The following MTUS2 variants were observed in gnomAD, a reference collection of about 807,000 sequenced individuals.
The protein encoded by MTUS2 is microtubule-associated tumor suppressor candidate 2.
MTUS2 carries 40 observed loss-of-function variants against 114.1 expected under a neutral mutation model. The observed-to-expected ratio is 0.35, with a 90% confidence interval of 0.27 to 0.46. MTUS2 has a LOEUF of 0.46. Among genes scored for constraint, MTUS2 ranks in the 20% least tolerant of loss-of-function variants. MTUS2 has a pLI of 1.00. For missense variants in MTUS2, 1,679 were observed against 1,705.4 expected, an observed-to-expected ratio of 0.98 and a Z score of 0.27; for synonymous variants, 688 against 672.0, an observed-to-expected ratio of 1.02 and a Z score of -0.37.
intron 8 of MTUS2, among the ~76,000 whole-genome samples, chr13:29,375,001 A>G (rs1242127670): frequency 3.9e-5 from 6 of 152,188 alleles, no homozygotes; most frequent in Admixed American, 3.9e-4. Flanking sequence ...ACTGTCTGCA[A>G]CCCTGATCTA....
At chr13:28,947,216 G>A (rs1249083938) in intron 2 of MTUS2, among the ~76,000 whole-genome samples, 1 of 152,118 alleles carries the variant, frequency 6.6e-6, no homozygotes, top group African/African-American at 2.4e-5. Flanking sequence ...TGTTTTGGCT[G>A]TTAAGAACTG....
At chr13:29,042,957 A>G (rs181791264) in intron 4 of MTUS2, among the ~76,000 whole-genome samples, 29 of 152,034 alleles carry the variant, frequency 1.9e-4, no homozygotes, top group African/African-American at 6.3e-4. Flanking sequence ...TTTTCTTACA[A>G]TTGTATTTAG....
chr13:29,369,672 T>C (rs988168059), intron 8 of MTUS2, among the ~76,000 whole-genome samples: 6 of 152,210 alleles, frequency 3.9e-5, no homozygotes, highest in African/African-American at 1.4e-4. Context: ...ATCCAGTCCC[T>C]GGAGAGAGTA....
intron 5 of MTUS2, among the ~76,000 whole-genome samples, chr13:29,253,767 C>T (rs141500444): frequency 2.0e-5 from 3 of 152,200 alleles, no homozygotes; most frequent in East Asian, 1.9e-4. Flanking sequence ...TCTGGAGAGG[C>T]GTCACAATCA....
chr13:29,452,721 G>T (rs1878810875), intron 9 of MTUS2, among the ~76,000 whole-genome samples: 1 of 152,000 alleles, frequency 6.6e-6, no homozygotes, highest in African/African-American at 2.4e-5. Context: ...TGGGATTACA[G>T]ATGTGAGCCA....
intron 2 of MTUS2, among the ~76,000 whole-genome samples, chr13:28,912,167 A>T (rs1421004199): frequency 6.6e-6 from 1 of 152,038 alleles, no homozygotes; most frequent in Non-Finnish European, 1.5e-5. Flanking sequence ...TCTTCAACCC[A>T]TCTTGAGTTA....
chr13:29,055,110 A>C (rs1218596979), intron 4 of MTUS2, among the ~76,000 whole-genome samples: 1 of 152,040 alleles, frequency 6.6e-6, no homozygotes, highest in Non-Finnish European at 1.5e-5. Context: ...AATTTGTTCT[A>C]TCAGTTACTT....
At chr13:29,197,265 C>T (rs528052065) in intron 5 of MTUS2, among the ~76,000 whole-genome samples, 44 of 152,280 alleles carry the variant, frequency 2.9e-4, no homozygotes, top group African/African-American at 9.9e-4. Flanking sequence ...GTTCCCCTCC[C>T]TTTGTCCATG....
intron 5 of MTUS2, among the ~76,000 whole-genome samples, chr13:29,117,761 G>T (rs574394359): frequency 1.3e-5 from 2 of 152,278 alleles, no homozygotes; most frequent in East Asian, 3.9e-4. Context: ...GCCGTCAACT[G>T]CCAACACCCA....
chr13:28,963,994 A>G (rs919785494), intron 2 of MTUS2, among the ~76,000 whole-genome samples: 15 of 152,024 alleles, frequency 9.9e-5, no homozygotes, highest in African/African-American at 3.4e-4. Flanking sequence ...CTTCGTTTCT[A>G]CTTTCCCCAT....
chr13:29,485,032 C>T (rs1267412366), intron 10 of MTUS2: 3 of 152,512 alleles, frequency 2.0e-5, no homozygotes, highest in Non-Finnish European at 2.9e-5. Flanking sequence ...CAGCCCAGAA[C>T]TCTGTCTCTG....
At chr13:29,326,895 A>C (rs745447367) in intron 7 of MTUS2, among the ~76,000 whole-genome samples, 5 of 152,126 alleles carry the variant, frequency 3.3e-5, no homozygotes, top group African/African-American at 9.7e-5. Context: ...CAGGAGTATC[A>C]TTTGAACCTG....
intron 8 of MTUS2, among the ~76,000 whole-genome samples, chr13:29,414,678 T>C (rs1875538302): frequency 6.6e-6 from 1 of 152,030 alleles, no homozygotes; most frequent in East Asian, 1.9e-4. Flanking sequence ...TATTTTCCCT[T>C]GTCATTTATT....
chr13:29,202,177 A>G (rs1894987076), intron 5 of MTUS2, among the ~76,000 whole-genome samples: 2 of 149,998 alleles, frequency 1.3e-5, no homozygotes, highest in African/African-American at 2.5e-5. Context: ...ACATAGTCCC[A>G]TATTTCTTGG....
intron 2 of MTUS2, among the ~76,000 whole-genome samples, chr13:28,933,059 G>C (rs1186792892): frequency 6.6e-6 from 1 of 151,576 alleles, no homozygotes; most frequent in African/African-American, 2.4e-5. Context: ...TTATTGTTCT[G>C]AGTGCTTTCT....
rs376433686 is a variant in MTUS2, at chr13:28,896,456, T to C, written c.-243+56606T>C. Among the ~76,000 whole-genome samples the C allele has an allele frequency of 7.6e-4, 115 of 152,258 alleles. No homozygotes were observed. In the East Asian group the frequency reaches 0.011, roughly 15 times the overall value. On this transcript the variant is annotated intron_variant, in intron 2 of 15. Coordinates refer to ENST00000612955, the MANE Select transcript of MTUS2 (RefSeq NM_001033602.4). ...GCTCATGGGTAGGAAGAATCAATAT[T>C]GTGAAAATGGCCCTACTGTCCAAAG...
At chr13:29,457,933 T>C (rs1879233676) in intron 9 of MTUS2, among the ~76,000 whole-genome samples, 1 of 152,188 alleles carries the variant, frequency 6.6e-6, no homozygotes, top group Admixed American at 6.5e-5. Flanking sequence ...TGTAGATTTT[T>C]AGTAGAGAGA....
intron 5 of MTUS2, among the ~76,000 whole-genome samples, chr13:29,116,671 A>G (rs901004542): frequency 1.3e-5 from 2 of 152,182 alleles, no homozygotes; most frequent in African/African-American, 4.8e-5. Flanking sequence ...CTTAAGTAAC[A>G]TAAGGGTTCC....
chr13:29,456,230 T>C (rs1166811369), intron 9 of MTUS2, among the ~76,000 whole-genome samples: 2 of 152,126 alleles, frequency 1.3e-5, no homozygotes, highest in Admixed American at 1.3e-4. Context: ...CATTCACCGA[T>C]GGGCTTTTAA....
Sources: gnomAD v4.1 joint callset for allele counts (sites outside exome capture counted in the v4.1 genomes callset) on GRCh38, gnomAD v4.1.1 for gene constraint, MANE v1.5 for transcripts, NCBI Gene and HGNC (gene_info 2026-07-23, HGNC 2026-07-21) for gene names.